Variants in ZNF8 observed in about 807,000 individuals in gnomAD.
The protein encoded by ZNF8 is zinc finger protein 272.
ZNF8 carries 9 observed loss-of-function variants against 12.2 expected under a neutral mutation model. The ratio of observed to expected loss-of-function variants is 0.73; its 90% confidence interval spans 0.44 to 1.28. ZNF8 has a LOEUF of 1.28. Ranked by LOEUF, ZNF8 falls within the 50% of genes most tolerant of loss-of-function variation. The pLI, the probability that ZNF8 is intolerant of heterozygous loss-of-function variation, is 0.00. For synonymous variants in ZNF8, 274 were observed against 282.3 expected (o/e 0.97, Z 0.30); for missense variants, 664 against 729.1 (o/e 0.91, Z 1.03).
Position 58,295,153 on chromosome 19 carries a change from G to C in ZNF8, c.1345G>C (p.Gly449Arg). The C allele has an allele frequency of 6.2e-7, 1 of 1,614,006 alleles. No homozygotes were observed. Among genetic ancestry groups the C allele is most frequent in the Non-Finnish European group, 8.5e-7 (1 of 1,180,042 alleles). ...AAAGCATGAATGGACAGAAGCCCTG[G>C]GCTGTGACCCACCTTTGAGTCAAGA... ...LTKHEWTEAL[G>R]CDPPLSQDER... The change falls in exon 4 of 4, where the codon GGC becomes CGC. Residue 449 changes from glycine to arginine, a missense_variant. Physicochemically the swap from Gly to Arg is moderately radical, Grantham distance 125 (BLOSUM62 -2). Coordinates refer to ENST00000621650, the MANE Select transcript of ZNF8 (RefSeq NM_021089.3).
Position 58,295,837 on chromosome 19 carries a change from G to C in ZNF8, c.*301G>C. On this transcript the variant is annotated 3_prime_UTR_variant, in exon 4 of 4. Transcript: ENST00000621650. ...CAATATGCGGCCCCATTTTGTAAAG[G>C]ATCATTAAAATGAAAGTAATTTATG... 3.1e-6 allele frequency: 1 copy of C among 318,680 alleles called. No homozygotes were observed. The highest frequency in any genetic ancestry group is 5.8e-6 in the Non-Finnish European group (1 of 173,564). The allele number at this position is 318,680 out of a possible 1,614,324, so 19.7% of individuals were successfully genotyped here. A position where few individuals can be genotyped will look rare whatever the true frequency, so the allele number is the denominator to read the frequency against.
chr19:58,299,163 A>C lies in ZNF8; in HGVS notation c.*3627A>C, dbSNP rs2051475179. On this transcript the variant is annotated 3_prime_UTR_variant, in exon 4 of 4. Transcript: ENST00000621650. ...AGTCTCGCTGTGTCACCCAGGCTGG[A>C]GTGCAGTGGTGCGATCTCGGCTCAC... 1 of 147,332 alleles carries C rather than the reference A, an allele frequency of 6.8e-6. No homozygotes were observed. Among genetic ancestry groups the C allele is most frequent in the East Asian group, 2.1e-4 (1 of 4,822 alleles). The allele number at this position is 147,332 out of a possible 1,614,324, so 9.1% of individuals were successfully genotyped here. A position where few individuals can be genotyped will look rare whatever the true frequency, so the allele number is the denominator to read the frequency against.
intron 1 of ZNF8, chr19:58,280,061 C>T (rs2051339981): frequency 2.7e-6 from 1 of 365,724 alleles, no homozygotes; most frequent in African/African-American, 2.1e-5. Context: ...AGGAATGAGT[C>T]GTAAGAAAGG....
At chr19:58,279,169 A>G (rs1311401771) in intron 1 of ZNF8, 22 bp downstream of exon 1, 3 of 1,550,686 alleles carry the variant, frequency 1.9e-6, no homozygotes, top group Admixed American at 1.9e-5. Flanking sequence ...AACAATAACG[A>G]CGGCGGCGGG....
At chr19:58,293,489 C>T (rs1440147288) in intron 3 of ZNF8, among the ~76,000 whole-genome samples, 1 of 152,170 alleles carries the variant, frequency 6.6e-6, no homozygotes, top group African/African-American at 2.4e-5. Flanking sequence ...TTGGTCAGGA[C>T]AAGAGCAGAT....
chr19:58,291,816 G>A (rs2051421231), intron 3 of ZNF8, among the ~76,000 whole-genome samples: 1 of 152,202 alleles, frequency 6.6e-6, no homozygotes, highest in South Asian at 2.1e-4. Context: ...AGCAAGGTGG[G>A]CAGATGTCTG....
intron 3 of ZNF8, among the ~76,000 whole-genome samples, chr19:58,290,171 TG>T (rs1033997851): frequency 6.0e-5 from 8 of 133,112 alleles, no homozygotes; most frequent in African/African-American, 2.2e-4. Context: ...TGGACTGCAG[TG>T]GCGCAATCTC....
rs530765871 is a variant in ZNF8 at position 58,286,266 on chromosome 19, A to G, written c.289+61A>G. 2.7e-4 allele frequency: 400 copies of G among 1,465,502 alleles called. 1 individual carries two copies. In the Middle Eastern group the frequency reaches 7.1e-3, roughly 26 times the overall value. 90.8% of individuals were successfully genotyped at this position (1,465,502 alleles called of 1,614,324 possible). On this transcript the variant is annotated intron_variant, in intron 3 of 3. Transcript: ENST00000621650. ...CAGCCTAGCAGGTCACTGGAGATGC[A>G]CTTCATGGAAAGGGTGGTGGTTGGT...
At position 58,301,284 on chromosome 19, in the gene ZNF8, C is replaced by G. The variant is rs1428953463; in HGVS notation, c.*5748C>G. The G allele has an allele frequency of 6.6e-6, 1 of 152,228 alleles. No individual in the cohort carries two copies. Among genetic ancestry groups the G allele is most frequent in the Non-Finnish European group, 1.5e-5 (1 of 68,064 alleles). The allele number at this position is 152,228 out of a possible 1,614,324, so 9.4% of individuals were successfully genotyped here. A position where few individuals can be genotyped will look rare whatever the true frequency, so the allele number is the denominator to read the frequency against. On this transcript the variant is annotated 3_prime_UTR_variant, in exon 4 of 4. Transcript: ENST00000621650. Reference sequence around the variant, plus strand: ...AGAAAACCAGTCTTCTTGACCTCTCCCCTTCCCCACTCCATGGAGTTAGAG... The same window carrying G: ...AGAAAACCAGTCTTCTTGACCTCTCGCCTTCCCCACTCCATGGAGTTAGAG...
At position 58,287,930 on chromosome 19, in the gene ZNF8, A is replaced by G. The variant is rs1600455693; in HGVS notation, c.289+1725A>G. On this transcript the variant is annotated intron_variant, in intron 3 of 3. Coordinates refer to ENST00000621650, the MANE Select transcript of ZNF8 (RefSeq NM_021089.3). Reference sequence around the variant, plus strand: ...TCCAGGCTGCAGGCTGCTCAAACTAACTCCTGGGCTCAAGCAATCCTGCCT... The same window carrying G: ...TCCAGGCTGCAGGCTGCTCAAACTAGCTCCTGGGCTCAAGCAATCCTGCCT... 1.6e-5 allele frequency among the ~76,000 whole-genome samples: 2 copies of G among 122,272 alleles called. 1 individual carries two copies. Among genetic ancestry groups the G allele is most frequent in the Non-Finnish European group, 3.2e-5 (2 of 61,580 alleles). The allele number at this position is 122,272 out of a possible 152,430, so 80.2% of individuals were successfully genotyped here. A position where few individuals can be genotyped will look rare whatever the true frequency, so the allele number is the denominator to read the frequency against.
chr19:58,292,696 T>G (rs530342451), intron 3 of ZNF8, among the ~76,000 whole-genome samples: 5 of 152,316 alleles, frequency 3.3e-5, no homozygotes, highest in Admixed American at 3.3e-4. Context: ...GTATCTGGCT[T>G]CTTTCACTCA....
At chr19:58,289,071 G>A (rs1282414303) in intron 3 of ZNF8, among the ~76,000 whole-genome samples, 1 of 152,190 alleles carries the variant, frequency 6.6e-6, no homozygotes, top group African/African-American at 2.4e-5. Context: ...TACCTAGACA[G>A]TTATAAATAC....
chr19:58,290,999 A>G (rs998350898), intron 3 of ZNF8, among the ~76,000 whole-genome samples: 1 of 152,186 alleles, frequency 6.6e-6, no homozygotes, highest in African/African-American at 2.4e-5. Context: ...ACTGCACTTC[A>G]GTCTGGGTGA....
At chr19:58,283,820 C>T (rs1020392488) in intron 1 of ZNF8, among the ~76,000 whole-genome samples, 8 of 151,492 alleles carry the variant, frequency 5.3e-5, no homozygotes, top group East Asian at 2.0e-4. Flanking sequence ...AGGATGGTCT[C>T]GATCTCCTGA....
chr19:58,288,340 A>T (rs981218937), intron 3 of ZNF8, among the ~76,000 whole-genome samples: 4 of 152,208 alleles, frequency 2.6e-5, no homozygotes, highest in Non-Finnish European at 4.4e-5. Context: ...CAGAGGTGCC[A>T]GGGCTGATTG....
chr19:58,295,777 T>G lies in ZNF8; in HGVS notation c.*241T>G. ...TACACCACAGTGAGTTCACAGGTAA[T>G]ATAACCTACCCACCTGTGTAATGTC... On this transcript the variant is annotated 3_prime_UTR_variant, in exon 4 of 4. Transcript: ENST00000621650. 2.0e-6 allele frequency: 1 copy of G among 492,726 alleles called. No individual in the cohort carries two copies. 30.5% of individuals were successfully genotyped at this position (492,726 alleles called of 1,614,324 possible).
rs1289242812 is a variant in ZNF8 at position 58,294,124 on chromosome 19, G to A, written c.316G>A (p.Ala106Thr). Reference sequence around the variant, plus strand: ...CTGGGAGCCTCGATCTGAAAGCCAAGCATCACGCAAGGAAGAGGGCCTGCC... The same window carrying A: ...CTGGGAGCCTCGATCTGAAAGCCAAACATCACGCAAGGAAGAGGGCCTGCC... ...PAWEPRSESQ[A>T]SRKEEGLPEE... The change falls in exon 4 of 4, where the codon GCA (alanine) becomes ACA (threonine). Residue 106 changes from alanine (A) to threonine (T), a missense_variant. Ala to Thr is a moderately conservative substitution (Grantham distance 58). Transcript: ENST00000621650. This position sits in a 1 kb window ranked among gnomAD's most constrained non-coding sequence, Gnocchi z 5.5. 6.2e-7 allele frequency: 1 copy of A among 1,602,340 alleles called. No individual in the cohort carries two copies.
At chr19:58,279,445 C>T (rs1294826486) in intron 1 of ZNF8, 2 of 1,452,642 alleles carry the variant, frequency 1.4e-6, no homozygotes, top group East Asian at 5.0e-5. Context: ...GCGTTCTGCT[C>T]CGCCCCGCCG....
At chr19:58,283,008 A>C (rs2051360301) in intron 1 of ZNF8, among the ~76,000 whole-genome samples, 1 of 142,692 alleles carries the variant, frequency 7.0e-6, no homozygotes, top group African/African-American at 2.6e-5. Context: ...ACAGGATGTC[A>C]CTCTGGTTGC....
Sources: gnomAD v4.1 joint callset for allele counts (sites outside exome capture counted in the v4.1 genomes callset) on GRCh38, gnomAD v4.1.1 for gene constraint, Gnocchi (gnomAD v3.1) non-coding constraint, MANE v1.5 for transcripts, NCBI Gene and HGNC (gene_info 2026-07-23, HGNC 2026-07-21) for gene names.